Variants in CNOT6L observed in about 807,000 individuals in gnomAD.
CNOT6L encodes the protein CCR4-NOT transcription complex subunit 6 like.
A neutral mutation model predicts 64.0 loss-of-function variants in CNOT6L; 7 were observed. The observed-to-expected ratio is 0.11, with a 90% CI of 0.06 to 0.21. CNOT6L has a LOEUF of 0.21. Among genes scored for constraint, CNOT6L ranks in the 10% least tolerant of loss-of-function variants. The pLI, the probability that CNOT6L is intolerant of heterozygous loss-of-function variation, is 1.00. For synonymous variants in CNOT6L, 193 were observed against 243.4 expected (o/e 0.79, Z 1.93); for missense variants, 245 against 669.0 (o/e 0.37, Z 6.99).
At chr4:77,756,401 C>T (rs968156033) in intron 5 of CNOT6L, among the ~76,000 whole-genome samples, 38 of 152,126 alleles carry the variant, frequency 2.5e-4, no homozygotes, top group African/African-American at 8.0e-4. Context: ...TTTCCACAAA[C>T]GTGTAATGAA....
chr4:77,783,364 C>T (rs191923866), intron 1 of CNOT6L, among the ~76,000 whole-genome samples: 35 of 152,290 alleles, frequency 2.3e-4, no homozygotes, highest in Admixed American at 1.6e-3. Flanking sequence ...TCCTTACCCG[C>T]ATGGAGCATA....
At chr4:77,816,790 T>C (rs1305810015) in intron 1 of CNOT6L, among the ~76,000 whole-genome samples, 1 of 152,224 alleles carries the variant, frequency 6.6e-6, no homozygotes, top group Non-Finnish European at 1.5e-5. Flanking sequence ...TTCTCTGTCC[T>C]GTCTTTTCCC....
At chr4:77,804,648 T>TGG (rs1011773271) in intron 1 of CNOT6L, among the ~76,000 whole-genome samples, 1 of 152,098 alleles carries the variant, frequency 6.6e-6, no homozygotes, top group African/African-American at 2.4e-5. Flanking sequence ...GTTTCTTTTG[T>TGG]GGGTGATGGA....
chr4:77,815,445 C>G (rs1003834970), intron 1 of CNOT6L, among the ~76,000 whole-genome samples: 1 of 152,114 alleles, frequency 6.6e-6, no homozygotes, highest in African/African-American at 2.4e-5. Context: ...TGTGACTCTT[C>G]CCTCCTTTCT....
At chr4:77,774,182 CAT>C (rs1419992103) in intron 3 of CNOT6L, among the ~76,000 whole-genome samples, 7 of 152,114 alleles carry the variant, frequency 4.6e-5, no homozygotes, top group Admixed American at 1.3e-4. Context: ...TTCTTTGACT[CAT>C]ATAATAGAGA....
rs540252768 is a variant in CNOT6L, at chr4:77,743,909, C to T, written c.717+809G>A. ...GAGCCACCATGCCCGGCCTGTAACA[C>T]ACAACATTTTTAAACACCTTTAAGA... On this transcript the variant is annotated intron_variant, in intron 7 of 11. Coordinates refer to ENST00000504123, the MANE Select transcript of CNOT6L (RefSeq NM_144571.3). Among the ~76,000 whole-genome samples, 148 of 152,164 alleles carry T rather than the reference C, an allele frequency of 9.7e-4. 2 individuals carry two copies. Among genetic ancestry groups the T allele is most frequent in the African/African-American group, 3.3e-3 (139 of 41,508 alleles).
chr4:77,740,028 T>G (rs79376028), intron 8 of CNOT6L, among the ~76,000 whole-genome samples: 1 of 8,466 alleles, frequency 1.2e-4, no homozygotes, highest in South Asian at 3.2e-3. Context: ...TACTGGTGCA[T>G]TTTTTTTTTA....
At position 77,714,436 on chromosome 4, in the gene CNOT6L, TTTAAAAAAAAAAAAAAAAAAAAAA is replaced by T. The variant is rs886395518; in HGVS notation, c.*5971_*5994del. On this transcript the variant is annotated 3_prime_UTR_variant, in exon 12 of 12. Coordinates refer to ENST00000504123, the MANE Select transcript of CNOT6L (RefSeq NM_144571.3). ...AGAGAAAAAGTACATACACACTCTC[TTTAAAAAAAAAAAAAAAAAAAAAA>T]AAAAAAAAAAAAAAAGCCCTCCATA... is the stretch of plus-strand genomic sequence containing the variant. 4 of 61,028 alleles carry T rather than the reference TTTAAAAAAAAAAAAAAAAAAAAAA, an allele frequency of 6.6e-5. No individual in the cohort carries two copies. Among genetic ancestry groups the T allele is most frequent in the African/African-American group, 2.7e-4 (4 of 14,662 alleles). The allele number at this position is 61,028 out of a possible 1,614,324, so 3.8% of individuals were successfully genotyped here.
intron 3 of CNOT6L, 111 bp downstream of exon 3, chr4:77,774,419 A>G (rs1026185863): frequency 2.4e-5 from 20 of 845,980 alleles, no homozygotes; most frequent in Non-Finnish European, 3.4e-5. Flanking sequence ...GACAGTTTAT[A>G]TAATTTGATA....
chr4:77,806,230 A>C, intron 1 of CNOT6L, among the ~76,000 whole-genome samples: 1 of 152,140 alleles, frequency 6.6e-6, no homozygotes, highest in East Asian at 1.9e-4. Context: ...GTTCGAGACC[A>C]GCCTGACCAA....
intron 4 of CNOT6L, among the ~76,000 whole-genome samples, chr4:77,762,934 T>C (rs1469875204): frequency 6.6e-6 from 1 of 152,156 alleles, no homozygotes; most frequent in Non-Finnish European, 1.5e-5. Flanking sequence ...AGAATTTCAC[T>C]ATGTATAAAT....
Position 77,778,404 on chromosome 4 carries a change from CT to C in CNOT6L, c.6-2013del, listed in dbSNP as rs11457321. 5.4e-3 allele frequency among the ~76,000 whole-genome samples: 801 copies of C among 148,658 alleles called. 7 individuals are homozygous for C. The highest frequency in any genetic ancestry group is 0.019 in the African/African-American group (754 of 40,708). On this transcript the variant is annotated intron_variant, in intron 1 of 11. Transcript: ENST00000504123. ...AACATAGGTTTCACTAATTTTAGAT[CT>C]TTTTTTTTTTGAGACGGAGTTTTGC...
At chr4:77,790,853 T>C (rs1205664402) in intron 1 of CNOT6L, among the ~76,000 whole-genome samples, 3 of 147,776 alleles carry the variant, frequency 2.0e-5, no homozygotes, top group African/African-American at 5.0e-5. Context: ...AAAGATGAGG[T>C]TTCACCATCT....
At chr4:77,728,387 T>A (rs1722105569) in intron 10 of CNOT6L, among the ~76,000 whole-genome samples, 1 of 152,200 alleles carries the variant, frequency 6.6e-6, no homozygotes, top group South Asian at 2.1e-4. Context: ...TTGGATTTGA[T>A]CAATGGGCAG....
chr4:77,805,647 A>G (rs1330524697), intron 1 of CNOT6L, among the ~76,000 whole-genome samples: 3 of 152,254 alleles, frequency 2.0e-5, no homozygotes, highest in Non-Finnish European at 4.4e-5. Flanking sequence ...GTTACTTAAC[A>G]GTATTAGTAG....
chr4:77,799,868 T>G (rs1057073770), intron 1 of CNOT6L, among the ~76,000 whole-genome samples: 5 of 152,156 alleles, frequency 3.3e-5, no homozygotes, highest in Non-Finnish European at 7.4e-5. Flanking sequence ...CATGTTTTAA[T>G]GTGGAAAAAA....
chr4:77,781,898 G>C (rs963783083), intron 1 of CNOT6L, among the ~76,000 whole-genome samples: 3 of 152,102 alleles, frequency 2.0e-5, no homozygotes, highest in Non-Finnish European at 2.9e-5. Context: ...GCTTCATAAT[G>C]AATCAGACTG....
intron 8 of CNOT6L, among the ~76,000 whole-genome samples, chr4:77,732,261 C>T (rs1221309456): frequency 1.3e-5 from 2 of 152,066 alleles, no homozygotes; most frequent in East Asian, 3.9e-4. Flanking sequence ...AATTATTAAG[C>T]ATTGTAGAGT....
At chr4:77,736,725 T>A (rs1722988680) in intron 8 of CNOT6L, among the ~76,000 whole-genome samples, 1 of 152,202 alleles carries the variant, frequency 6.6e-6, no homozygotes, top group Non-Finnish European at 1.5e-5. Context: ...ATACATTAGT[T>A]TACCATTCAT....
Sources: allele counts gnomAD v4.1 joint callset (sites outside exome capture counted in the v4.1 genomes callset), GRCh38; gene constraint gnomAD v4.1.1; transcripts MANE v1.5; gene names NCBI Gene and HGNC (gene_info 2026-07-23, HGNC 2026-07-21).